The following NDST3 variants were observed in gnomAD, a reference collection of about 807,000 sequenced individuals.
NDST3 encodes N-deacetylase and N-sulfotransferase 3, also known as bifunctional heparan sulfate N-deacetylase/N-sulfotransferase 3.
In NDST3, 58 loss-of-function variants were observed where a neutral mutation model predicts 96.1. The observed-to-expected ratio is 0.60, with a 90% CI of 0.49 to 0.75. The LOEUF is 0.75. Ranked by LOEUF, NDST3 falls within the 30% of genes least tolerant of loss-of-function variation. The pLI, the probability that NDST3 is intolerant of heterozygous loss-of-function variation, is 0.00. For missense variants in NDST3, 788 were observed against 1,034.2 expected (o/e 0.76, Z 3.27); for synonymous variants, 333 against 359.7 (o/e 0.93, Z 0.84).
At chr4:118,102,730 G>A (rs1190571527) in intron 2 of NDST3, among the ~76,000 whole-genome samples, 2 of 152,008 alleles carry the variant, frequency 1.3e-5, no homozygotes, top group Admixed American at 6.6e-5. Flanking sequence ...ATGGATGAAT[G>A]TATAATAATG....
intron 6 of NDST3, among the ~76,000 whole-genome samples, chr4:118,157,966 T>A (rs1015789282): frequency 1.3e-5 from 2 of 152,140 alleles, no homozygotes; most frequent in African/African-American, 4.8e-5. Context: ...ACTTTATTAA[T>A]AAATTTTTGT....
Position 118,242,107 on chromosome 4 carries a change from T to C in NDST3, c.2357T>C (p.Phe786Ser). ...PATVMDEVQK[F>S]LGVLPHYNYS... ...ACAGTGATGGATGAAGTACAGAAGT[T>C]TCTAGGAGTCTTGCCTCATTATAAT... Residue 786 changes from phenylalanine to serine, a missense_variant, in exon 12 of 14, where the codon TTT becomes TCT. Transcript: ENST00000296499. The C allele has an allele frequency of 6.2e-7, 1 of 1,612,984 alleles. No homozygotes were observed. Among genetic ancestry groups the C allele is most frequent in the Non-Finnish European group, 8.5e-7 (1 of 1,179,156 alleles).
chr4:118,135,931 A>G (rs554058085), intron 4 of NDST3, among the ~76,000 whole-genome samples: 31 of 152,180 alleles, frequency 2.0e-4, no homozygotes, highest in African/African-American at 6.3e-4. Context: ...TAAAGCTAGG[A>G]AAAAAAAGTA....
intron 6 of NDST3, among the ~76,000 whole-genome samples, chr4:118,182,692 G>A (rs999420480): frequency 6.6e-6 from 1 of 152,196 alleles, no homozygotes; most frequent in East Asian, 1.9e-4. Flanking sequence ...ATGGAACAGA[G>A]AGAATGTCTT....
At chr4:118,204,254 T>C (rs563252522) in intron 6 of NDST3, among the ~76,000 whole-genome samples, 2 of 136,578 alleles carry the variant, frequency 1.5e-5, no homozygotes, top group Non-Finnish European at 3.2e-5. Flanking sequence ...CACTGAAAGC[T>C]CTAATTCGGA....
At chr4:118,055,238 T>C (rs1391151144) in intron 2 of NDST3, 9 of 256,162 alleles carry the variant, frequency 3.5e-5, no homozygotes, top group Non-Finnish European at 1.5e-5. Context: ...CATTTAAATA[T>C]GAAATTAAAG....
chr4:118,231,026 C>T (rs1740249284), intron 8 of NDST3, among the ~76,000 whole-genome samples: 2 of 151,964 alleles, frequency 1.3e-5, no homozygotes, highest in African/African-American at 4.8e-5. Context: ...TAAAATACTA[C>T]CTTACTTCCA....
intron 12 of NDST3, among the ~76,000 whole-genome samples, chr4:118,248,329 C>T (rs1297321127): frequency 1.3e-5 from 2 of 150,998 alleles, no homozygotes; most frequent in Admixed American, 6.6e-5. Flanking sequence ...CCAGCCTGGG[C>T]GAAAGAGCAA....
Position 118,054,799 on chromosome 4 carries a change from C to A in NDST3, c.889C>A (p.Leu297Met). Reference protein sequence around the residue: ...DAISFLSGKRLTLSLDRYILV... With the variant: ...DAISFLSGKRMTLSLDRYILV... ...CATCTCCTTCTTATCAGGGAAGAGG[C>A]TGACATTGTCCTTGGACAGGTACAT... The change falls in exon 2 of 14, where the codon CTG (leucine) becomes ATG (methionine). Residue 297 changes from leucine to methionine, a missense_variant. Physicochemically the swap from Leu to Met is conservative, Grantham distance 15. Transcript: ENST00000296499. 6.2e-7 allele frequency: 1 copy of A among 1,613,258 alleles called. No homozygotes were observed. Among genetic ancestry groups the A allele is most frequent in the South Asian group, 1.1e-5 (1 of 91,062 alleles).
chr4:118,166,855 T>G (rs565479649), intron 6 of NDST3, among the ~76,000 whole-genome samples: 1 of 152,036 alleles, frequency 6.6e-6, no homozygotes, highest in East Asian at 1.9e-4. Context: ...TATGATTTCA[T>G]GATAAAAACT....
At chr4:118,198,727 TAA>T (rs35524586) in intron 6 of NDST3, among the ~76,000 whole-genome samples, 4 of 150,248 alleles carry the variant, frequency 2.7e-5, no homozygotes, top group Non-Finnish European at 4.5e-5. Flanking sequence ...GCATTTCTTG[TAA>T]AAAAAAAAGT....
intron 7 of NDST3, among the ~76,000 whole-genome samples, chr4:118,225,926 C>G (rs552639184): frequency 1.3e-5 from 2 of 152,154 alleles, no homozygotes; most frequent in East Asian, 3.9e-4. Context: ...TGCAATTTTC[C>G]TGCTAATTCA....
intron 6 of NDST3, among the ~76,000 whole-genome samples, chr4:118,191,816 G>C (rs2125966127): frequency 6.6e-6 from 1 of 152,284 alleles, no homozygotes; most frequent in Admixed American, 6.5e-5. Context: ...TAGGATTGCT[G>C]AATCATACGG....
chr4:118,130,492 T>C (rs1051379794), intron 4 of NDST3, among the ~76,000 whole-genome samples: 1 of 152,170 alleles, frequency 6.6e-6, no homozygotes. Context: ...TTTTTTGTTG[T>C]TCCTTATGTC....
chr4:118,212,120 T>C (rs1738839703), intron 6 of NDST3, among the ~76,000 whole-genome samples: 2 of 152,156 alleles, frequency 1.3e-5, no homozygotes, highest in Admixed American at 6.5e-5. Flanking sequence ...ATACAGTTAG[T>C]TGGGTTCACA....
intron 1 of NDST3, among the ~76,000 whole-genome samples, chr4:118,036,298 A>G (rs1391432678): frequency 6.6e-6 from 1 of 152,172 alleles, no homozygotes; most frequent in Admixed American, 6.5e-5. Context: ...GCATTTGTTA[A>G]GATGCAAAAT....
chr4:118,072,665 T>C (rs558427617), intron 2 of NDST3, among the ~76,000 whole-genome samples: 5 of 152,254 alleles, frequency 3.3e-5, no homozygotes, highest in South Asian at 4.1e-4. Flanking sequence ...AATTATATCA[T>C]CTGCAAACAG....
At chr4:118,125,438 A>G (rs1578684273) in intron 4 of NDST3, among the ~76,000 whole-genome samples, 1 of 152,108 alleles carries the variant, frequency 6.6e-6, no homozygotes, top group African/African-American at 2.4e-5. Flanking sequence ...ATTATAAATC[A>G]AGGAGCACCA....
At chr4:118,067,452 A>G (rs533479756) in intron 2 of NDST3, among the ~76,000 whole-genome samples, 2 of 152,212 alleles carry the variant, frequency 1.3e-5, no homozygotes, top group African/African-American at 4.8e-5. Flanking sequence ...GCAAATGAAC[A>G]ATGGAAAACT....
Sources: allele counts gnomAD v4.1 joint callset (sites outside exome capture counted in the v4.1 genomes callset), GRCh38; gene constraint gnomAD v4.1.1; transcripts MANE v1.5; gene names NCBI Gene and HGNC (gene_info 2026-07-23, HGNC 2026-07-21).